Variants in EYS observed in about 807,000 individuals in gnomAD.
EYS encodes EGF-like photoreceptor maintenance factor.
In EYS, 250 loss-of-function variants were observed where a neutral mutation model predicts 282.1. That is an observed-to-expected ratio of 0.89 (90% CI 0.80 to 0.98). The LOEUF is 0.98. EYS is among the 50% of genes least tolerant of loss of function. EYS has a pLI of 0.00. For synonymous variants in EYS, 1,355 were observed against 1,282.9 expected (o/e 1.06, Z -1.20); for missense variants, 4,016 against 3,709.0 (o/e 1.08, Z -2.15).
chr6:65,480,748 CTA>C (rs1256694683), intron 5 of EYS, among the ~76,000 whole-genome samples: 1 of 152,022 alleles, frequency 6.6e-6, no homozygotes, highest in Non-Finnish European at 1.5e-5. Context: ...AAAATGTGGT[CTA>C]TATACACAAT....
Position 64,684,397 on chromosome 6 carries a change from A to T in EYS, c.3444-58152T>A, listed in dbSNP as rs78503311. On this transcript the variant is annotated intron_variant, in intron 22 of 42. Coordinates refer to ENST00000503581, the MANE Select transcript of EYS (RefSeq NM_001142800.2). ...TTATTTTCTTTGAGTTTCAATAATAATTCATTTCAGTGGACCTGCATTTCA... is the reference window on the plus strand; with the variant it reads ...TTATTTTCTTTGAGTTTCAATAATATTTCATTTCAGTGGACCTGCATTTCA... 1.4e-3 allele frequency among the ~76,000 whole-genome samples: 207 copies of T among 152,284 alleles called. 1 individual carries two copies. The highest frequency in any genetic ancestry group is 4.8e-3 in the African/African-American group (198 of 41,574).
At chr6:64,360,813 C>T (rs765103868) in intron 29 of EYS, among the ~76,000 whole-genome samples, 33 of 151,724 alleles carry the variant, frequency 2.2e-4, no homozygotes, top group Admixed American at 5.9e-4. Context: ...TTAGTGAATG[C>T]CAGAGAAAGT....
At chr6:63,771,197 C>T (rs1367152389) in intron 40 of EYS, among the ~76,000 whole-genome samples, 1 of 152,110 alleles carries the variant, frequency 6.6e-6, no homozygotes, top group African/African-American at 2.4e-5. Flanking sequence ...TTGGGATGAA[C>T]ATGAGCCTGG....
intron 30 of EYS, among the ~76,000 whole-genome samples, chr6:64,275,771 C>T (rs867163235): frequency 1.9e-4 from 28 of 148,568 alleles, no homozygotes; most frequent in Non-Finnish European, 3.4e-4. Context: ...CTGACTAACA[C>T]GGTGAAACCC....
chr6:65,459,405 A>T (rs1420995699), intron 5 of EYS, among the ~76,000 whole-genome samples: 3 of 152,094 alleles, frequency 2.0e-5, no homozygotes, highest in Non-Finnish European at 4.4e-5. Context: ...AAGCAGAGTA[A>T]ATTTAGAGAA....
At chr6:65,618,653 C>T (rs984102597) in intron 2 of EYS, among the ~76,000 whole-genome samples, 3 of 152,108 alleles carry the variant, frequency 2.0e-5, no homozygotes, top group African/African-American at 7.2e-5. Flanking sequence ...AATGGTAATG[C>T]CTAGGTTTTC....
At chr6:64,124,429 C>G (rs911244341) in intron 31 of EYS, among the ~76,000 whole-genome samples, 22 of 152,132 alleles carry the variant, frequency 1.4e-4, no homozygotes, top group Admixed American at 1.4e-3. Flanking sequence ...ATATATTGCT[C>G]TAAGCATCCA....
At position 65,103,689 on chromosome 6, in the gene EYS, TC is replaced by T. The variant is rs529212171; in HGVS notation, c.2024-45963del. ...CTGCTTCTTTAGGCTACTCATCTTATCCCATTAGATCTTTTTTCCAGTAAGT... is the reference window on the plus strand; with the variant it reads ...CTGCTTCTTTAGGCTACTCATCTTATCCATTAGATCTTTTTTCCAGTAAGT... On this transcript the variant is annotated intron_variant, in intron 12 of 42. Transcript: ENST00000503581. Among the ~76,000 whole-genome samples, 252 of 151,616 alleles carry T rather than the reference TC, an allele frequency of 1.7e-3. 4 individuals carry two copies. Among genetic ancestry groups the T allele is most frequent in the Middle Eastern group, 6.8e-3 (2 of 294 alleles).
intron 26 of EYS, among the ~76,000 whole-genome samples, chr6:64,559,237 T>C (rs942648224): frequency 4.0e-5 from 6 of 151,082 alleles, no homozygotes; most frequent in African/African-American, 1.5e-4. Context: ...TAACATTTTC[T>C]TTTCTTTCCT....
intron 5 of EYS, among the ~76,000 whole-genome samples, chr6:65,472,896 C>G (rs1030899610): frequency 1.3e-5 from 2 of 151,512 alleles, no homozygotes; most frequent in African/African-American, 4.8e-5. Flanking sequence ...TTGGTATATC[C>G]TCTCTTGTGG....
chr6:64,250,629 A>G (rs754294331), intron 30 of EYS, among the ~76,000 whole-genome samples: 35 of 152,244 alleles, frequency 2.3e-4, no homozygotes, highest in Non-Finnish European at 5.1e-4. Context: ...TTGAAGGGTA[A>G]TCATTGGTTT....
At chr6:64,086,671 CT>C (rs1163816201) in intron 31 of EYS, among the ~76,000 whole-genome samples, 3 of 152,262 alleles carry the variant, frequency 2.0e-5, no homozygotes, top group African/African-American at 7.2e-5. Flanking sequence ...GTATCCGCAA[CT>C]TTTTTAGTCT....
chr6:64,800,118 AT>A (rs1238296567), intron 22 of EYS, among the ~76,000 whole-genome samples: 2 of 152,060 alleles, frequency 1.3e-5, no homozygotes, highest in African/African-American at 2.4e-5. Context: ...TGCTTTTAAA[AT>A]TGGAAGGCAA....
chr6:63,890,398 C>T (rs1009232139), intron 35 of EYS, among the ~76,000 whole-genome samples: 1 of 152,196 alleles, frequency 6.6e-6, no homozygotes, highest in Non-Finnish European at 1.5e-5. Flanking sequence ...AACAAACAGT[C>T]TTTCAGACCA....
At chr6:63,953,195 C>T (rs534924424) in intron 35 of EYS, among the ~76,000 whole-genome samples, 5 of 152,296 alleles carry the variant, frequency 3.3e-5, no homozygotes, top group African/African-American at 1.2e-4. Context: ...CCTGGACTGA[C>T]CCTGACACCC....
chr6:64,924,333 G>A lies in EYS; in HGVS notation c.2382-11590C>T, dbSNP rs137994643. Among the ~76,000 whole-genome samples the A allele has an allele frequency of 8.1e-4, 124 of 152,250 alleles. 2 individuals are homozygous for A. In the East Asian group the frequency reaches 0.021, roughly 26 times the overall value. On this transcript the variant is annotated intron_variant, in intron 15 of 42. Coordinates refer to ENST00000503581, the MANE Select transcript of EYS (RefSeq NM_001142800.2). ...GCACCAAGTCCCTAGGCTGCACACA[G>A]TATGGTGACCCTGGGCCCAGCCCAC...
chr6:64,483,238 T>A (rs796870837), intron 26 of EYS, among the ~76,000 whole-genome samples: 6 of 151,830 alleles, frequency 4.0e-5, no homozygotes, highest in African/African-American at 1.4e-4. Flanking sequence ...AAAATTTTAC[T>A]TACCAAAAAG....
At position 64,475,144 on chromosome 6, in the gene EYS, C is replaced by T. The variant is rs185682938; in HGVS notation, c.5645-35792G>A. ...GTTCACAAGTTCTTATAACTCTTTCCCAATGTCTCTCCTTAATTTGACAAG... is the reference window on the plus strand; with the variant it reads ...GTTCACAAGTTCTTATAACTCTTTCTCAATGTCTCTCCTTAATTTGACAAG... On this transcript the variant is annotated intron_variant, in intron 26 of 42. Coordinates refer to ENST00000503581, the MANE Select transcript of EYS (RefSeq NM_001142800.2). Among the ~76,000 whole-genome samples, 43 of 152,224 alleles carry T rather than the reference C, an allele frequency of 2.8e-4. No individual in the cohort carries two copies. The East Asian group carries it at 7.7e-3, about 27-fold the overall frequency.
chr6:64,699,186 G>C (rs1770694683), intron 22 of EYS, among the ~76,000 whole-genome samples: 1 of 152,116 alleles, frequency 6.6e-6, no homozygotes. Context: ...CATGGGTGGA[G>C]CTGGAGGCTT....
Sources: allele counts gnomAD v4.1 joint callset (sites outside exome capture counted in the v4.1 genomes callset), GRCh38; gene constraint gnomAD v4.1.1; transcripts MANE v1.5; gene names NCBI Gene and HGNC (gene_info 2026-07-23, HGNC 2026-07-21).